The following LRRTM4 variants were observed in gnomAD, a reference collection of about 807,000 sequenced individuals.
The protein encoded by LRRTM4 is leucine rich repeat transmembrane neuronal 4, also known as leucine-rich repeat transmembrane neuronal protein 4.
Under a neutral mutation model 47.6 loss-of-function variants are expected in LRRTM4, and 25 were observed. The observed-to-expected ratio is 0.53, with a 90% CI of 0.38 to 0.73. The LOEUF (loss-of-function observed/expected upper bound fraction) is 0.73. Among genes scored for constraint, LRRTM4 ranks in the 30% least tolerant of loss-of-function variants. The pLI, the probability that LRRTM4 is intolerant of heterozygous loss-of-function variation, is 0.00. For synonymous variants in LRRTM4, 311 were observed against 269.5 expected (o/e 1.15, Z -1.51); for missense variants, 638 against 713.4 (o/e 0.89, Z 1.20).
chr2:76,998,818 G>C (rs906848714), intron 3 of LRRTM4, among the ~76,000 whole-genome samples: 1 of 144,642 alleles, frequency 6.9e-6, no homozygotes, highest in African/African-American at 2.6e-5. Flanking sequence ...ATTTCTTTCA[G>C]TCAGTCCTGA....
chr2:76,835,022 TATC>T (rs2103909378), intron 3 of LRRTM4, among the ~76,000 whole-genome samples: 1 of 152,210 alleles, frequency 6.6e-6, no homozygotes, highest in South Asian at 2.1e-4. Flanking sequence ...CCCATGGTAA[TATC>T]ATAAGGAAGA....
intron 3 of LRRTM4, among the ~76,000 whole-genome samples, chr2:77,141,422 G>A (rs2103761933): frequency 1.4e-5 from 2 of 144,736 alleles, no homozygotes; most frequent in Middle Eastern, 7.2e-3. Context: ...ATTGAACAAT[G>A]AGAACACTTG....
intron 3 of LRRTM4, among the ~76,000 whole-genome samples, chr2:77,515,608 T>TAAA: frequency 6.6e-6 from 1 of 151,400 alleles, no homozygotes; most frequent in South Asian, 2.1e-4. Context: ...AATTTTTTTT[T>TAAA]AAAAAAACCT....
At chr2:76,874,676 A>C (rs1672729496) in intron 3 of LRRTM4, among the ~76,000 whole-genome samples, 1 of 151,916 alleles carries the variant, frequency 6.6e-6, no homozygotes, top group East Asian at 1.9e-4. Context: ...ATAGTGATTC[A>C]GTAGTCAACT....
chr2:77,315,709 T>C (rs1199084326), intron 3 of LRRTM4, among the ~76,000 whole-genome samples: 1 of 152,132 alleles, frequency 6.6e-6, no homozygotes, highest in African/African-American at 2.4e-5. Context: ...CTCTGCCCTT[T>C]TGAGAAGTAA....
chr2:77,480,148 T>C lies in LRRTM4; in HGVS notation c.1551+38170A>G, dbSNP rs558793561. Among the ~76,000 whole-genome samples, 8 of 152,222 alleles carry C rather than the reference T, an allele frequency of 5.3e-5. No homozygotes were observed. The South Asian group carries it at 1.7e-3, about 32-fold the overall frequency. ...CTGACTCAGCCCATGCTCCTACCAT[T>C]ACACGACATTTCCTCTAATTATCAA... is the stretch of plus-strand genomic sequence containing the variant. On this transcript the variant is annotated intron_variant, in intron 3 of 3. Transcript: ENST00000409884.
chr2:77,362,095 G>T (rs186766143), intron 3 of LRRTM4, among the ~76,000 whole-genome samples: 1 of 91,462 alleles, frequency 1.1e-5, no homozygotes, highest in African/African-American at 4.9e-5. Context: ...CTCAAAAAAG[G>T]AAAAGGAAAG....
intron 3 of LRRTM4, among the ~76,000 whole-genome samples, chr2:76,865,699 T>A (rs911751024): frequency 1.3e-5 from 2 of 152,128 alleles, no homozygotes; most frequent in Admixed American, 6.6e-5. Flanking sequence ...TTCAAAGGAA[T>A]AAATCAGAGA....
At chr2:76,823,140 T>A (rs1021939090) in intron 3 of LRRTM4, among the ~76,000 whole-genome samples, 1 of 151,438 alleles carries the variant, frequency 6.6e-6, no homozygotes, top group African/African-American at 2.4e-5. Flanking sequence ...AAAGATCACA[T>A]ATTAATCTTG....
chr2:77,470,523 G>A (rs1474564523), intron 3 of LRRTM4, among the ~76,000 whole-genome samples: 1 of 152,144 alleles, frequency 6.6e-6, no homozygotes, highest in Non-Finnish European at 1.5e-5. Context: ...GAGCAGAAAG[G>A]TGAATCAGTT....
chr2:76,906,240 C>T (rs1375241098), intron 3 of LRRTM4, among the ~76,000 whole-genome samples: 1 of 151,916 alleles, frequency 6.6e-6, no homozygotes, highest in Non-Finnish European at 1.5e-5. Context: ...CATATCCAGC[C>T]AAACTAAGCT....
intron 3 of LRRTM4, among the ~76,000 whole-genome samples, chr2:77,091,178 G>A (rs913785235): frequency 4.0e-5 from 6 of 151,452 alleles, no homozygotes; most frequent in African/African-American, 1.2e-4. Flanking sequence ...ACTATTCCTG[G>A]ACTACAGCTA....
chr2:76,888,764 T>G (rs1188451524), intron 3 of LRRTM4, among the ~76,000 whole-genome samples: 1 of 151,844 alleles, frequency 6.6e-6, no homozygotes, highest in African/African-American at 2.4e-5. Flanking sequence ...TGCTCCTATG[T>G]AGACATAATG....
chr2:77,522,005 C>G, intron 1 of LRRTM4, 104 bp downstream of exon 1: 1 of 689,314 alleles, frequency 1.5e-6, no homozygotes, highest in Non-Finnish European at 2.7e-6. Flanking sequence ...CACCAGAGAC[C>G]CATCAGCAGT....
At chr2:76,844,627 T>C (rs1006523528) in intron 3 of LRRTM4, among the ~76,000 whole-genome samples, 11 of 152,198 alleles carry the variant, frequency 7.2e-5, no homozygotes, top group Admixed American at 5.9e-4. Context: ...CAATGTACCA[T>C]TTCCAGTAAT....
chr2:77,083,412 T>A (rs765611768), intron 3 of LRRTM4, among the ~76,000 whole-genome samples: 6 of 152,152 alleles, frequency 3.9e-5, no homozygotes, highest in Admixed American at 3.3e-4. Context: ...AGATGTGCCA[T>A]AGACTGAAGT....
At chr2:77,155,821 T>C (rs1248541608) in intron 3 of LRRTM4, among the ~76,000 whole-genome samples, 1 of 152,122 alleles carries the variant, frequency 6.6e-6, no homozygotes, top group Non-Finnish European at 1.5e-5. Flanking sequence ...TTCTATTGTA[T>C]TGCAGAGTAG....
At chr2:77,369,239 G>T (rs1672567532) in intron 3 of LRRTM4, among the ~76,000 whole-genome samples, 2 of 151,562 alleles carry the variant, frequency 1.3e-5, no homozygotes, top group South Asian at 4.1e-4. Flanking sequence ...TCTGTAGGTT[G>T]CGTTTTCATT....
chr2:77,262,505 A>AT (rs1553418380), intron 3 of LRRTM4, among the ~76,000 whole-genome samples: 72 of 148,626 alleles, frequency 4.8e-4, no homozygotes, highest in African/African-American at 1.6e-3. Flanking sequence ...TTTTTACCTA[A>AT]TTTTTTTTTT....
Sources: allele counts gnomAD v4.1 joint callset (sites outside exome capture counted in the v4.1 genomes callset), GRCh38; gene constraint gnomAD v4.1.1; transcripts MANE v1.5; gene names NCBI Gene and HGNC (gene_info 2026-07-23, HGNC 2026-07-21).